Variants in MEGF11 observed in about 807,000 individuals in gnomAD.
The protein encoded by MEGF11 is multiple EGF like domains 11.
In MEGF11, 126 loss-of-function variants were observed where a neutral mutation model predicts 146.6. The observed-to-expected ratio is 0.86, with a 90% CI of 0.74 to 1.00. The LOEUF (loss-of-function observed/expected upper bound fraction) is 1.00. Among genes scored for constraint, MEGF11 ranks in the 50% least tolerant of loss-of-function variants. The pLI is 0.00. For synonymous variants in MEGF11, 532 were observed against 583.4 expected (o/e 0.91, Z 1.27); for missense variants, 1,509 against 1,521.2 (o/e 0.99, Z 0.13).
intron 1 of MEGF11, among the ~76,000 whole-genome samples, chr15:66,220,197 T>C (rs928629111): frequency 2.6e-5 from 4 of 152,136 alleles, no homozygotes; most frequent in Admixed American, 1.3e-4. Flanking sequence ...TTCACACTTC[T>C]AACCTCTAGA....
intron 5 of MEGF11, among the ~76,000 whole-genome samples, chr15:65,993,593 AC>A (rs2082118118): frequency 6.6e-6 from 1 of 152,116 alleles, no homozygotes; most frequent in South Asian, 2.1e-4. Context: ...ACCCTCCCCG[AC>A]GTGGCCCCCT....
chr15:66,095,248 T>G (rs966244927), intron 4 of MEGF11, among the ~76,000 whole-genome samples: 2 of 152,218 alleles, frequency 1.3e-5, no homozygotes, highest in African/African-American at 4.8e-5. Flanking sequence ...GAAATTATTT[T>G]TCTCTTTCTT....
At chr15:66,216,044 G>C (rs1273609132) in intron 1 of MEGF11, among the ~76,000 whole-genome samples, 1 of 152,160 alleles carries the variant, frequency 6.6e-6, no homozygotes, top group Middle Eastern at 3.2e-3. Flanking sequence ...GAGGTGATTA[G>C]ACAGAGTTCA....
At chr15:66,107,407 G>A (rs1344702318) in intron 4 of MEGF11, among the ~76,000 whole-genome samples, 3 of 151,734 alleles carry the variant, frequency 2.0e-5, no homozygotes, top group Non-Finnish European at 4.4e-5. Context: ...GTGGCCAGGA[G>A]GGAGGAAGGC....
At position 65,915,505 on chromosome 15, in the gene MEGF11, C is replaced by T. The variant is rs766651707; in HGVS notation, c.2438G>A (p.Cys813Tyr). Residue 813 changes from cysteine to tyrosine, a missense_variant, in exon 19 of 26, where the codon TGC becomes TAC. Cys to Tyr is a radical substitution (Grantham distance 194). Transcript: ENST00000395614. ...TCDHVTGTCYCSPGFKGIRCD... is the reference protein window; with the variant it reads ...TCDHVTGTCYYSPGFKGIRCD... ...CCTGATTCCTTTGAAGCCAGGGCTG[C>T]AGTAACAGGTGCCGGTGACATGGTC... 8 of 1,613,962 alleles carry T rather than the reference C, an allele frequency of 5.0e-6. No homozygotes were observed. The Admixed American group carries it at 1.2e-4, about 24-fold the overall frequency.
At position 65,970,744 on chromosome 15, in the gene MEGF11, C is replaced by G. The variant is rs569460864; in HGVS notation, c.763-55G>C. 1.1e-4 allele frequency: 177 copies of G among 1,552,636 alleles called. 2 individuals carry two copies. In the East Asian group the frequency reaches 3.9e-3, roughly 34 times the overall value. On this transcript the variant is annotated intron_variant, in intron 7 of 25. Coordinates refer to ENST00000395614, the MANE Select transcript of MEGF11 (RefSeq NM_001385028.1). ...CGGTGCTCCAGAAATGCCAAACTTTCCTGGGAATGGCACACCTGCTGTGGC... is the reference window on the plus strand; with the variant it reads ...CGGTGCTCCAGAAATGCCAAACTTTGCTGGGAATGGCACACCTGCTGTGGC...
intron 1 of MEGF11, among the ~76,000 whole-genome samples, chr15:66,171,962 T>G (rs1323771502): frequency 1.3e-5 from 2 of 152,180 alleles, no homozygotes; most frequent in African/African-American, 2.4e-5. Context: ...TCCAGCTCCC[T>G]GCGCAGAGCC....
chr15:66,082,507 A>G (rs1300823858), intron 5 of MEGF11, among the ~76,000 whole-genome samples: 1 of 139,436 alleles, frequency 7.2e-6, no homozygotes, highest in Non-Finnish European at 1.5e-5. Context: ...CTATCTATCT[A>G]TCTATCTATA....
At position 66,137,703 on chromosome 15, in the gene MEGF11, A is replaced by G. The variant is rs976289294; in HGVS notation, c.-8-9292T>C. Among the ~76,000 whole-genome samples, 17 of 151,590 alleles carry G rather than the reference A, an allele frequency of 1.1e-4. No homozygotes were observed. The South Asian group carries it at 3.3e-3, about 30-fold the overall frequency. On this transcript the variant is annotated intron_variant, in intron 1 of 25. Coordinates refer to ENST00000395614, the MANE Select transcript of MEGF11 (RefSeq NM_001385028.1). ...CTAGTAGCTGGGACCACAGGTTCAC[A>G]CTACGACACCTGGCTTTTTTTTTTC...
intron 4 of MEGF11, among the ~76,000 whole-genome samples, chr15:66,114,597 G>A (rs1390573507): frequency 1.3e-5 from 2 of 152,214 alleles, no homozygotes; most frequent in Non-Finnish European, 2.9e-5. Context: ...AGCTCCATCT[G>A]CAGAGGCAAA....
intron 1 of MEGF11, among the ~76,000 whole-genome samples, chr15:66,201,408 G>T (rs2140091845): frequency 6.6e-6 from 1 of 152,244 alleles, no homozygotes; most frequent in East Asian, 1.9e-4. Flanking sequence ...GGTAGGGAGG[G>T]ATTGACACAG....
At chr15:66,034,138 A>C (rs541954476) in intron 5 of MEGF11, among the ~76,000 whole-genome samples, 13 of 152,346 alleles carry the variant, frequency 8.5e-5, no homozygotes, top group Non-Finnish European at 1.9e-4. Context: ...CCCTTTTGGA[A>C]CGGAAGTGTC....
In MEGF11 at chr15:66,119,130, G is replaced by A; in HGVS notation, c.257C>T (p.Ser86Phe). 6.4e-7 allele frequency: 1 copy of A among 1,551,534 alleles called. No individual in the cohort carries two copies. The highest frequency in any genetic ancestry group is 1.2e-5 in the South Asian group (1 of 84,048). ...RGLRTMYRRR[S>F]QCCPGYYESG... ...CTCATAGTAGCCAGGGCAGCACTGG[G>A]ACCTCCGCCGGTACATGGTCCGGAG... Residue 86 changes from serine (S) to phenylalanine (F), a missense_variant, in exon 4 of 26, where the codon TCC becomes TTC. Ser to Phe is a radical substitution (Grantham distance 155). Transcript: ENST00000395614.
In MEGF11 at chr15:65,916,934, G is replaced by T; in HGVS notation, c.2109C>A (p.Gly703=). ...AGCTGCATGCGTGGAAGCAGGCGGG[G>T]CCCCAGAACCCGGGTGGGCAAGCTG... ...CSQACPPGFW[G]PACFHACSCH... The change falls in exon 17 of 26, where the codon GGC becomes GGA. Residue 703 remains glycine, a synonymous_variant. Transcript: ENST00000395614. The T allele has an allele frequency of 6.5e-7, 1 of 1,536,218 alleles. No homozygotes were observed. The highest frequency in any genetic ancestry group is 2.0e-5 in the Admixed American group (1 of 49,452).
chr15:66,194,378 G>A (rs1022512931), intron 1 of MEGF11, among the ~76,000 whole-genome samples: 1 of 152,182 alleles, frequency 6.6e-6, no homozygotes, highest in Admixed American at 6.5e-5. Flanking sequence ...GGAGGCTGAG[G>A]TGGGTGGATC....
chr15:65,950,339 T>C (rs922094046), intron 10 of MEGF11, among the ~76,000 whole-genome samples: 3 of 151,998 alleles, frequency 2.0e-5, no homozygotes, highest in African/African-American at 4.8e-5. Context: ...AAATCCAACA[T>C]TTTGGGAGGC....
intron 1 of MEGF11, among the ~76,000 whole-genome samples, chr15:66,132,641 A>AG (rs1202872039): frequency 2.0e-5 from 3 of 152,190 alleles, no homozygotes; most frequent in Non-Finnish European, 2.9e-5. Context: ...GTGCTGAGGA[A>AG]GGGGGGCTGA....
At chr15:66,064,549 C>T (rs1326169058) in intron 5 of MEGF11, among the ~76,000 whole-genome samples, 1 of 151,940 alleles carries the variant, frequency 6.6e-6, no homozygotes, top group East Asian at 1.9e-4. Context: ...TGGAGTTTCA[C>T]TCTTGTTGCC....
At chr15:66,240,548 C>T (rs2092189916) in intron 1 of MEGF11, among the ~76,000 whole-genome samples, 1 of 152,192 alleles carries the variant, frequency 6.6e-6, no homozygotes, top group Admixed American at 6.5e-5. Flanking sequence ...GTCAGACATT[C>T]ACTGAGTCTT....
Sources: allele counts gnomAD v4.1 joint callset (sites outside exome capture counted in the v4.1 genomes callset), GRCh38; gene constraint gnomAD v4.1.1; transcripts MANE v1.5; gene names NCBI Gene and HGNC (gene_info 2026-07-23, HGNC 2026-07-21).